Variants in NWD2 observed in about 807,000 individuals in gnomAD.
NWD2 encodes the protein NACHT and WD repeat domain containing 2, also known as NACHT and WD repeat domain-containing protein 2.
In NWD2, 37 loss-of-function variants were observed where a neutral mutation model predicts 132.7. The observed-to-expected ratio is 0.28, with a 90% CI of 0.21 to 0.37. The LOEUF (loss-of-function observed/expected upper bound fraction) is 0.37, where lower values mean the gene tolerates loss of function less well. NWD2 is among the 10% of genes least tolerant of loss of function. The probability of loss-of-function intolerance (pLI) is 1.00; values close to 1 mark genes in which losing one functional copy is unlikely to be tolerated. For missense variants in NWD2, 1,592 were observed against 2,122.4 expected, an observed-to-expected ratio of 0.75 and a Z score of 4.91; for synonymous variants, 705 against 803.0, an observed-to-expected ratio of 0.88 and a Z score of 2.06.
chr4:37,348,341 C>G (rs1719680316), intron 2 of NWD2, among the ~76,000 whole-genome samples: 1 of 151,970 alleles, frequency 6.6e-6, no homozygotes, highest in African/African-American at 2.4e-5. Flanking sequence ...CATAAATCAC[C>G]TCCTCCACGG....
rs1209067734 is a variant in NWD2, at chr4:37,444,037, A to G, written c.2049A>G (p.Leu683=). ...TGGAACTGGAGGATGTGTTAGCCCT[A>G]GACAACAGTGTAATGAGTGAGCTCA... ...SEMELEDVLA[L]DNSVMSELKE... The change falls in exon 7 of 7, where the codon CTA becomes CTG. Residue 683 remains leucine, a synonymous_variant. Coordinates refer to ENST00000309447, the MANE Select transcript of NWD2 (RefSeq NM_001144990.2). The surrounding 1 kb of genome is among the most constrained non-coding windows in gnomAD (Gnocchi z 4.8). 1 of 1,551,896 alleles carries G rather than the reference A, an allele frequency of 6.4e-7. No individual in the cohort carries two copies. The highest frequency in any genetic ancestry group is 1.4e-5 in the African/African-American group (1 of 73,040).
intron 3 of NWD2, among the ~76,000 whole-genome samples, chr4:37,418,253 T>A (rs1711684903): frequency 6.6e-6 from 1 of 151,854 alleles, no homozygotes; most frequent in Non-Finnish European, 1.5e-5. Context: ...AAAGTAGTAT[T>A]GGATTATAAC....
intron 3 of NWD2, among the ~76,000 whole-genome samples, chr4:37,365,305 A>C (rs1002647854): frequency 6.6e-6 from 1 of 152,216 alleles, no homozygotes; most frequent in Non-Finnish European, 1.5e-5. Flanking sequence ...TTAAATAAGT[A>C]CTTAATTTTC....
At chr4:37,298,492 T>TTAATTGCTAA (rs1718544791) in intron 1 of NWD2, among the ~76,000 whole-genome samples, 1 of 152,198 alleles carries the variant, frequency 6.6e-6, no homozygotes, top group Non-Finnish European at 1.5e-5. Context: ...TTTTTGCTTA[T>TTAATTGCTAA]TAATTGCTAA....
At chr4:37,277,054 C>A (rs993907002) in intron 1 of NWD2, among the ~76,000 whole-genome samples, 3 of 151,718 alleles carry the variant, frequency 2.0e-5, no homozygotes, top group African/African-American at 7.3e-5. Flanking sequence ...TTAATGGGTG[C>A]AGCACACCAA....
At chr4:37,407,928 G>T (rs1045591317) in intron 3 of NWD2, among the ~76,000 whole-genome samples, 3 of 152,156 alleles carry the variant, frequency 2.0e-5, no homozygotes, top group Admixed American at 6.5e-5. Flanking sequence ...GAAGTGCATG[G>T]GGTCAGGGAA....
intron 1 of NWD2, among the ~76,000 whole-genome samples, chr4:37,273,922 T>C (rs1247333102): frequency 2.0e-5 from 3 of 151,622 alleles, no homozygotes; most frequent in Non-Finnish European, 4.4e-5. Context: ...CTGGGACACA[T>C]TTAAAGCAGT....
Position 37,396,898 on chromosome 4 carries a change from T to A in NWD2, c.358-33674T>A, listed in dbSNP as rs184412789. ...AAATACAAAAATTAGCCGGGTGTGG[T>A]GGTGGATGCCTGTAATCCCAGCTAC... On this transcript the variant is annotated intron_variant, in intron 3 of 6. Transcript: ENST00000309447. Among the ~76,000 whole-genome samples the A allele has an allele frequency of 2.3e-4, 35 of 152,070 alleles. No homozygotes were observed. The East Asian group carries it at 2.5e-3, about 11-fold the overall frequency.
chr4:37,295,481 T>A (rs1577658831), intron 1 of NWD2, among the ~76,000 whole-genome samples: 1 of 152,224 alleles, frequency 6.6e-6, no homozygotes, highest in African/African-American at 2.4e-5. Context: ...ATCTTAATAA[T>A]CTTTGCCAAA....
At chr4:37,398,005 AT>A (rs1366630261) in intron 3 of NWD2, among the ~76,000 whole-genome samples, 2 of 152,214 alleles carry the variant, frequency 1.3e-5, no homozygotes, top group African/African-American at 4.8e-5. Context: ...AAGCAGCACC[AT>A]TTAACTCCGC....
intron 1 of NWD2, among the ~76,000 whole-genome samples, chr4:37,248,830 T>G (rs939166267): frequency 3.3e-5 from 5 of 152,224 alleles, no homozygotes; most frequent in Admixed American, 3.3e-4. Context: ...ATGAAAACAG[T>G]GCAGGTCCAC....
At chr4:37,293,885 T>TAAA (rs10579771) in intron 1 of NWD2, among the ~76,000 whole-genome samples, 6 of 146,612 alleles carry the variant, frequency 4.1e-5, no homozygotes, top group East Asian at 2.0e-4. Context: ...ACACTGCATT[T>TAAA]AAAAAAAAAA....
chr4:37,306,953 G>A (rs1464611913), intron 1 of NWD2, among the ~76,000 whole-genome samples: 1 of 151,952 alleles, frequency 6.6e-6, no homozygotes, highest in Non-Finnish European at 1.5e-5. Context: ...GAACCCGGGA[G>A]GTGGAGGTTG....
intron 1 of NWD2, among the ~76,000 whole-genome samples, chr4:37,278,705 A>G (rs572538831): frequency 2.0e-5 from 3 of 152,314 alleles, no homozygotes; most frequent in East Asian, 3.9e-4. Flanking sequence ...TTCTTGGGCC[A>G]TTTATCAGTG....
chr4:37,329,619 A>G (rs1277075075), intron 2 of NWD2, among the ~76,000 whole-genome samples: 1 of 152,218 alleles, frequency 6.6e-6, no homozygotes, highest in Non-Finnish European at 1.5e-5. Context: ...TGTCTCAAAA[A>G]AAAAAATTAG....
chr4:37,245,231 C>T lies in NWD2; in HGVS notation c.151+13C>T, dbSNP rs1717210289. 1 of 1,529,250 alleles carries T rather than the reference C, an allele frequency of 6.5e-7. No homozygotes were observed. Among genetic ancestry groups the T allele is most frequent in the African/African-American group, 1.4e-5 (1 of 72,268 alleles). The allele number at this position is 1,529,250 out of a possible 1,614,324, so 94.7% of individuals were successfully genotyped here. A position where few individuals can be genotyped will look rare whatever the true frequency, so the allele number is the denominator to read the frequency against. ...GCCAACCCTGAAGGTACGTCCCTCG[C>T]TCGGGTTTGCCCGTCCGTCCTTCTG... On this transcript the variant is annotated intron_variant, in intron 1 of 6. Transcript: ENST00000309447.
chr4:37,352,519 G>T (rs1465300605), intron 2 of NWD2, among the ~76,000 whole-genome samples: 2 of 152,172 alleles, frequency 1.3e-5, no homozygotes, highest in Admixed American at 1.3e-4. Context: ...AGGCCTCTAA[G>T]AACTTGCTTT....
chr4:37,422,723 T>C (rs1711859757), intron 3 of NWD2, among the ~76,000 whole-genome samples: 1 of 152,176 alleles, frequency 6.6e-6, no homozygotes, highest in Admixed American at 6.6e-5. Context: ...AGGAGATATG[T>C]GGCCAGATAA....
chr4:37,299,075 A>G (rs928263129), intron 1 of NWD2, among the ~76,000 whole-genome samples: 10 of 152,094 alleles, frequency 6.6e-5, no homozygotes, highest in African/African-American at 2.4e-4. Flanking sequence ...TTTCTCTTCA[A>G]ATCTCTCATT....
Sources: gnomAD v4.1 joint callset for allele counts (sites outside exome capture counted in the v4.1 genomes callset) on GRCh38, gnomAD v4.1.1 for gene constraint, Gnocchi (gnomAD v3.1) non-coding constraint, MANE v1.5 for transcripts, NCBI Gene and HGNC (gene_info 2026-07-23, HGNC 2026-07-21) for gene names.